CLYBL: variants seen among roughly 807,000 people sequenced by gnomAD.
CLYBL encodes the protein citramalyl-CoA lyase, mitochondrial.
In CLYBL, 31 loss-of-function variants were observed where a neutral mutation model predicts 38.9. The ratio of observed to expected loss-of-function variants is 0.80; its 90% CI spans 0.60 to 1.08. CLYBL has a LOEUF of 1.08. Among genes scored for constraint, CLYBL ranks in the 50% least tolerant of loss-of-function variants. CLYBL has a pLI of 0.00. For missense variants in CLYBL, 434 were observed against 411.6 expected (o/e 1.05, Z -0.47); for synonymous variants, 171 against 158.6 (o/e 1.08, Z -0.59).
chr13:99,631,048 G>C (rs1262519585), intron 1 of CLYBL, among the ~76,000 whole-genome samples: 1 of 152,196 alleles, frequency 6.6e-6, no homozygotes, highest in African/African-American at 2.4e-5. Context: ...AAGTCCAGGT[G>C]TGGTGGCTCA....
At chr13:99,785,229 G>C (rs1460564409) in intron 2 of CLYBL, among the ~76,000 whole-genome samples, 2 of 91,352 alleles carry the variant, frequency 2.2e-5, no homozygotes, top group Non-Finnish European at 4.0e-5. Context: ...TTTTTTTAAA[G>C]ACAGGGTCTT....
chr13:99,743,796 AAATT>A (rs2048798072), intron 1 of CLYBL, among the ~76,000 whole-genome samples: 1 of 151,990 alleles, frequency 6.6e-6, no homozygotes, highest in Admixed American at 6.5e-5. Context: ...AAATTGTAAT[AAATT>A]GTAATAAATT....
intron 1 of CLYBL, among the ~76,000 whole-genome samples, chr13:99,624,224 C>T (rs1217590480): frequency 6.6e-6 from 1 of 152,164 alleles, no homozygotes; most frequent in African/African-American, 2.4e-5. Flanking sequence ...GTTTGGTCTC[C>T]TGCACTGGGC....
exon 10 of CLYBL, among the ~76,000 whole-genome samples, chr13:99,908,794 C>T (rs555525934): frequency 1.1e-4 from 16 of 152,244 alleles, no homozygotes; most frequent in African/African-American, 3.9e-4. Flanking sequence ...CTACTTTGCT[C>T]GTTCCTGGCA....
chr13:99,736,148 G>A (rs566513264), intron 1 of CLYBL, among the ~76,000 whole-genome samples: 9 of 145,148 alleles, frequency 6.2e-5, no homozygotes, highest in African/African-American at 2.0e-4. Flanking sequence ...GAGTTCAAGC[G>A]ATTCTCCTGC....
At chr13:99,657,839 T>G (rs2047350441) in intron 1 of CLYBL, among the ~76,000 whole-genome samples, 1 of 152,220 alleles carries the variant, frequency 6.6e-6, no homozygotes. Flanking sequence ...AGCTCTGCTG[T>G]GGCTCATCTG....
chr13:99,711,403 CTTTTTTTTT>C lies in CLYBL; in HGVS notation c.63-61406_63-61398del, dbSNP rs71215540. The stretch of plus-strand genomic sequence containing the variant: ...TGACAGAAGGGGTGAGGGAGTCCGT[CTTTTTTTTT>C]TTTTTTTTTTTTTTGAGACGGAGTT... On this transcript the variant is annotated intron_variant, in intron 1 of 8. Coordinates refer to ENST00000339105, the MANE Select transcript of CLYBL (RefSeq NM_206808.5). 6.0e-5 allele frequency among the ~76,000 whole-genome samples: 5 copies of C among 83,190 alleles called. No individual in the cohort carries two copies. In the Admixed American group the frequency reaches 7.7e-4, roughly 13 times the overall value. 54.6% of individuals were successfully genotyped at this position (83,190 alleles called of 152,430 possible).
chr13:99,844,396 G>A (rs2051151651), intron 2 of CLYBL, among the ~76,000 whole-genome samples: 1 of 152,192 alleles, frequency 6.6e-6, no homozygotes, highest in Admixed American at 6.5e-5. Context: ...AGTTAGAAGA[G>A]GACTGTGTAT....
At chr13:99,791,146 G>A (rs2049907610) in intron 2 of CLYBL, among the ~76,000 whole-genome samples, 1 of 152,044 alleles carries the variant, frequency 6.6e-6, no homozygotes, top group South Asian at 2.1e-4. Flanking sequence ...AGGGTAGAGG[G>A]CTTGGCAACA....
chr13:99,724,014 A>C (rs988936132), intron 1 of CLYBL, among the ~76,000 whole-genome samples: 2 of 152,120 alleles, frequency 1.3e-5, no homozygotes, highest in African/African-American at 4.8e-5. Flanking sequence ...TGCTGCAATG[A>C]GTTGTGTCAT....
rs759638176 is a variant in CLYBL at position 99,859,048 on chromosome 13, G to A, written c.437G>A (p.Trp146Ter). Reference protein sequence around the residue: ...PKVESPEEIQWFADKFSFHLK... With the variant: ...PKVESPEEIQ ...GTGGAAAGTCCTGAAGAAATCCAGT[G>A]GGTGAGTAGCTAATGCTTTGCCTTA... Residue 146 changes from tryptophan to a stop codon, truncating the protein, a stop_gained and splice_region_variant, in exon 3 of 9, where the codon TGG (tryptophan) becomes TAG (stop). Coordinates refer to ENST00000339105, the MANE Select transcript of CLYBL (RefSeq NM_206808.5). LOFTEE classifies it high-confidence loss of function. The A allele has an allele frequency of 1.2e-6, 2 of 1,611,366 alleles. No homozygotes were observed. Among genetic ancestry groups the A allele is most frequent in the Admixed American group, 1.7e-5 (1 of 59,632 alleles).
intron 1 of CLYBL, among the ~76,000 whole-genome samples, chr13:99,642,822 A>C (rs1419611282): frequency 1.4e-5 from 2 of 144,830 alleles, no homozygotes; most frequent in Non-Finnish European, 3.0e-5. Flanking sequence ...GCAGTAGTGC[A>C]ATCTTGGCTC....
At chr13:99,726,860 C>T (rs537509766) in intron 1 of CLYBL, among the ~76,000 whole-genome samples, 4 of 152,148 alleles carry the variant, frequency 2.6e-5, no homozygotes, top group African/African-American at 4.8e-5. Flanking sequence ...CAAGGATGTA[C>T]ATCAGAACCT....
At chr13:99,834,716 G>A (rs2050896126) in intron 2 of CLYBL, among the ~76,000 whole-genome samples, 1 of 152,192 alleles carries the variant, frequency 6.6e-6, no homozygotes, top group Admixed American at 6.5e-5. Flanking sequence ...GTCCTCTGCA[G>A]CCTGATGATA....
intron 7 of CLYBL, among the ~76,000 whole-genome samples, chr13:99,884,388 G>C (rs528500657): frequency 6.6e-5 from 10 of 152,176 alleles, no homozygotes; most frequent in African/African-American, 2.4e-4. Flanking sequence ...CATGTGCCCT[G>C]GTCTGTCTTC....
chr13:99,635,321 A>G (rs6491523), intron 1 of CLYBL, among the ~76,000 whole-genome samples: 1 of 151,730 alleles, frequency 6.6e-6, no homozygotes, highest in Non-Finnish European at 1.5e-5. Flanking sequence ...CACACCCCCA[A>G]CCTTTTCCAG....
intron 1 of CLYBL, among the ~76,000 whole-genome samples, chr13:99,609,169 G>GTTTTTTTT (rs58873910): frequency 6.6e-5 from 3 of 45,780 alleles, no homozygotes; most frequent in East Asian, 9.1e-4. Context: ...ACCTGTCTTT[G>GTTTTTTTT]TTTTTTTTTT....
intron 1 of CLYBL, among the ~76,000 whole-genome samples, chr13:99,629,530 T>C (rs2046914362): frequency 6.6e-6 from 1 of 152,206 alleles, no homozygotes; most frequent in Non-Finnish European, 1.5e-5. Flanking sequence ...TATCGAGAGA[T>C]GCTGATTCCA....
At chr13:99,633,231 AAAAAGAG>A (rs2046972817) in intron 1 of CLYBL, among the ~76,000 whole-genome samples, 1 of 146,514 alleles carries the variant, frequency 6.8e-6, no homozygotes, top group Non-Finnish European at 1.5e-5. Flanking sequence ...AAAAAAAAAA[AAAAAGAG>A]AAGAGAAGAA....
Sources: gnomAD v4.1 joint callset for allele counts (sites outside exome capture counted in the v4.1 genomes callset) on GRCh38, gnomAD v4.1.1 for gene constraint, MANE v1.5 for transcripts, NCBI Gene and HGNC (gene_info 2026-07-23, HGNC 2026-07-21) for gene names.